Variants in MYH11 observed in about 807,000 individuals in gnomAD.
The protein encoded by MYH11 is myosin-11.
MYH11 carries 80 observed loss-of-function variants against 246.6 expected under a neutral mutation model. The observed-to-expected ratio is 0.32, with a 90% CI of 0.27 to 0.39. MYH11 has a LOEUF of 0.39. MYH11 is among the 10% of genes least tolerant of loss of function. The probability of loss-of-function intolerance (pLI) is 1.00; values close to 1 mark genes in which losing one functional copy is unlikely to be tolerated. For missense variants in MYH11, 2,158 were observed against 2,546.8 expected (o/e 0.85, Z 3.29); for synonymous variants, 1,071 against 1,015.5 (o/e 1.05, Z -1.04).
chr16:15,759,172 G>A (rs2041806743), intron 12 of MYH11, among the ~76,000 whole-genome samples: 1 of 149,920 alleles, frequency 6.7e-6, no homozygotes, highest in African/African-American at 2.5e-5. Context: ...ATTTTGGTTG[G>A]AACTGTTAGA....
At chr16:15,761,248 TTATAGGTGCCTGCC>T (rs2041861295) in intron 10 of MYH11, among the ~76,000 whole-genome samples, 3 of 151,908 alleles carry the variant, frequency 2.0e-5, no homozygotes, top group Non-Finnish European at 4.4e-5. Flanking sequence ...GTAGCTGGCA[TTATAGGTGCCTGCC>T]ACCACACCCA....
intron 3 of MYH11, among the ~76,000 whole-genome samples, chr16:15,821,368 A>T (rs2043406046): frequency 6.6e-6 from 1 of 152,188 alleles, no homozygotes; most frequent in South Asian, 2.1e-4. Context: ...CACGTAACAA[A>T]ATGTTAATGG....
rs781282181 is a variant in MYH11, at chr16:15,721,674, G to C, written c.4366-40C>G. On this transcript the variant is annotated intron_variant, in intron 31 of 40. Transcript: ENST00000300036. ...CCAGAGGTGACTTCTAGGCATATCC[G>C]GGGTCAGCGTCACTGAATTGTAAAT... The C allele has an allele frequency of 5.0e-5, 81 of 1,605,364 alleles. 2 individuals carry two copies. In the Admixed American group the frequency reaches 1.3e-3, roughly 26 times the overall value.
At chr16:15,814,158 C>T (rs1039944303) in intron 3 of MYH11, among the ~76,000 whole-genome samples, 2 of 147,102 alleles carry the variant, frequency 1.4e-5, no homozygotes, top group Non-Finnish European at 3.0e-5. Flanking sequence ...AACAAACAAA[C>T]CAAAAAGTGT....
At chr16:15,708,854 G>C (rs1196613270) in intron 40 of MYH11, 4 of 1,608,738 alleles carry the variant, frequency 2.5e-6, no homozygotes, top group Non-Finnish European at 1.7e-6. Flanking sequence ...GAAACAGAGA[G>C]AGAATCCCCG....
At chr16:15,745,372 T>C in intron 19 of MYH11, 135 bp from the exon 20 acceptor site, 1 of 635,788 alleles carries the variant, frequency 1.6e-6, no homozygotes, top group East Asian at 2.7e-5. Flanking sequence ...CCAGAAACCC[T>C]GTGTGACACA....
intron 38 of MYH11, 36 bp downstream of exon 38, chr16:15,717,104 C>A: frequency 1.2e-6 from 2 of 1,607,076 alleles, no homozygotes; most frequent in Non-Finnish European, 8.5e-7. Context: ...CCATCACCCC[C>A]CTGCAAACTG....
intron 40 of MYH11, among the ~76,000 whole-genome samples, chr16:15,706,857 C>T (rs2039483402): frequency 6.6e-6 from 1 of 152,134 alleles, no homozygotes; most frequent in Non-Finnish European, 1.5e-5. Context: ...CTAAGAAATA[C>T]ATTGTGCCCT....
intron 40 of MYH11, among the ~76,000 whole-genome samples, chr16:15,712,109 T>G (rs2039834692): frequency 6.6e-6 from 1 of 152,206 alleles, no homozygotes; most frequent in Non-Finnish European, 1.5e-5. Context: ...TGTTGGCAAC[T>G]TCATCATTTT....
At chr16:15,822,992 G>A (rs2043454541) in intron 3 of MYH11, among the ~76,000 whole-genome samples, 1 of 152,274 alleles carries the variant, frequency 6.6e-6, no homozygotes, top group Non-Finnish European at 1.5e-5. Context: ...GCAGACAGCT[G>A]GCCCGACGGG....
intron 4 of MYH11, 105 bp downstream of exon 4, chr16:15,798,555 G>C (rs1364992200): frequency 8.6e-7 from 1 of 1,164,230 alleles, no homozygotes; most frequent in East Asian, 2.5e-5. Context: ...ACAAATCAAA[G>C]ATCTCTGCAC....
intron 31 of MYH11, among the ~76,000 whole-genome samples, chr16:15,723,166 G>A (rs376193604): frequency 4.6e-5 from 7 of 152,086 alleles, no homozygotes; most frequent in African/African-American, 4.8e-5. Context: ...TCCATTTATC[G>A]TACAATTAAG....
chr16:15,732,402 T>C lies in MYH11; in HGVS notation c.3651+162A>G, dbSNP rs1038894972. 6 of 1,117,804 alleles carry C rather than the reference T, an allele frequency of 5.4e-6. No homozygotes were observed. The African/African-American group carries it at 9.2e-5, about 17-fold the overall frequency. The allele number at this position is 1,117,804 out of a possible 1,614,324, so 69.2% of individuals were successfully genotyped here. ...GGCGTGAGCCACCTCACCCAGCCTG[T>C]ATGGGAAGCATTTTGTAAATAAATA... On this transcript the variant is annotated intron_variant, in intron 27 of 40. Transcript: ENST00000300036.
At chr16:15,735,603 T>A (rs1457669023) in intron 25 of MYH11, 25 bp from the exon 26 acceptor site, 1 of 1,613,416 alleles carries the variant, frequency 6.2e-7, no homozygotes, top group Admixed American at 1.7e-5. Context: ...CCCAGCAGAA[T>A]GAACCCCCAG....
intron 6 of MYH11, among the ~76,000 whole-genome samples, chr16:15,781,327 A>G (rs919644530): frequency 1.3e-5 from 2 of 152,166 alleles, no homozygotes; most frequent in African/African-American, 4.8e-5. Flanking sequence ...TATGATTCTA[A>G]TTTCGGGCGA....
In MYH11 at chr16:15,823,403, A is replaced by G; in HGVS notation, c.354T>C (p.Ser118=). Reference sequence around the variant, plus strand: ...GGTTGACCACCACGCAGAAGAGGCCAGAGTACGTCTGCAGACAGAGAACCC... The same window carrying G: ...GGTTGACCACCACGCAGAAGAGGCCGGAGTACGTCTGCAGACAGAGAACCC... ...RYFSGLIYTY[S]GLFCVVVNPY... Residue 118 remains serine, a synonymous_variant, in exon 3 of 41, where the codon TCT becomes TCC. Coordinates refer to ENST00000300036, the MANE Select transcript of MYH11 (RefSeq NM_002474.3). 6.2e-7 allele frequency: 1 copy of G among 1,614,202 alleles called. No homozygotes were observed. The highest frequency in any genetic ancestry group is 8.5e-7 in the Non-Finnish European group (1 of 1,180,026).
At chr16:15,752,653 C>A (rs1033169360) in intron 15 of MYH11, among the ~76,000 whole-genome samples, 34 of 152,082 alleles carry the variant, frequency 2.2e-4, no homozygotes, top group Admixed American at 2.2e-3. Flanking sequence ...CTGAGGTGGG[C>A]GGATCACCTG....
At chr16:15,856,617 A>AT (rs3971712) in intron 1 of MYH11, among the ~76,000 whole-genome samples, 2,231 of 147,640 alleles carry the variant, frequency 0.015, 41 homozygotes, top group African/African-American at 0.039. Flanking sequence ...CTCGGGACTA[A>AT]TTTTTTTTTT....
chr16:15,834,529 A>G (rs1483094764), intron 2 of MYH11, among the ~76,000 whole-genome samples: 1 of 150,330 alleles, frequency 6.7e-6, no homozygotes, highest in Admixed American at 6.6e-5. Context: ...TCCATCTCAA[A>G]AAAAAAAAAA....
Sources: allele counts gnomAD v4.1 joint callset (sites outside exome capture counted in the v4.1 genomes callset), GRCh38; gene constraint gnomAD v4.1.1; transcripts MANE v1.5; gene names NCBI Gene and HGNC (gene_info 2026-07-23, HGNC 2026-07-21).